The following SLCO3A1 variants were observed in gnomAD, a reference collection of about 807,000 sequenced individuals.
SLCO3A1 encodes the protein solute carrier organic anion transporter family member 3A1, also known as PGE1 transporter.
A neutral mutation model predicts 63.1 loss-of-function variants in SLCO3A1; 27 were observed. That is an observed-to-expected ratio of 0.43 (90% CI 0.32 to 0.59). The LOEUF is 0.59. Ranked by LOEUF, SLCO3A1 falls within the 20% of genes least tolerant of loss-of-function variation. The pLI, the probability that SLCO3A1 is intolerant of heterozygous loss-of-function variation, is 0.09. For synonymous variants in SLCO3A1, 473 were observed against 409.9 expected (o/e 1.15, Z -1.86); for missense variants, 773 against 945.8 (o/e 0.82, Z 2.40).
At chr15:91,937,963 G>C (rs750972152) in intron 2 of SLCO3A1, among the ~76,000 whole-genome samples, 2 of 152,070 alleles carry the variant, frequency 1.3e-5, no homozygotes, top group African/African-American at 4.8e-5. Flanking sequence ...CTACCTTATC[G>C]GGCTGTTCTG....
intron 2 of SLCO3A1, among the ~76,000 whole-genome samples, chr15:91,951,875 G>A (rs768171378): frequency 6.6e-6 from 1 of 152,086 alleles, no homozygotes; most frequent in Non-Finnish European, 1.5e-5. Context: ...TTTTCTGTGC[G>A]AACGTGCATT....
intron 3 of SLCO3A1, 108 bp from the exon 4 acceptor site, chr15:92,104,171 C>G (rs1428260298): frequency 6.9e-6 from 9 of 1,296,488 alleles, no homozygotes; most frequent in Non-Finnish European, 9.6e-6. Context: ...GACCGCAAGT[C>G]ATTTCTAGAG....
chr15:92,109,971 G>A (rs180930675), intron 4 of SLCO3A1, among the ~76,000 whole-genome samples: 10 of 152,176 alleles, frequency 6.6e-5, no homozygotes, highest in Admixed American at 2.0e-4. Context: ...GCTCTTTCCC[G>A]TTTCCTGTAA....
chr15:92,068,774 C>T (rs1183910028), intron 2 of SLCO3A1, among the ~76,000 whole-genome samples: 1 of 152,302 alleles, frequency 6.6e-6, no homozygotes, highest in African/African-American at 2.4e-5. Context: ...AGAAAGATCC[C>T]AAGTGAAGCT....
intron 2 of SLCO3A1, among the ~76,000 whole-genome samples, chr15:91,938,446 G>A (rs1327450129): frequency 6.6e-6 from 1 of 151,242 alleles, no homozygotes. Flanking sequence ...ATGTGCAACA[G>A]TGCAACTTGG....
intron 2 of SLCO3A1, among the ~76,000 whole-genome samples, chr15:92,086,077 T>C (rs780883576): frequency 6.6e-6 from 1 of 152,234 alleles, no homozygotes; most frequent in Non-Finnish European, 1.5e-5. Context: ...TTACAAACAA[T>C]GCTGGTGTGC....
intron 9 of SLCO3A1, chr15:92,162,133 C>CTTTTTTTTTTTT (rs397854182): frequency 3.4e-5 from 2 of 59,350 alleles, no homozygotes; most frequent in Non-Finnish European, 5.8e-5. Context: ...GTTCTAGATG[C>CTTTTTTTTTTTT]TTTTTTTTTT....
At chr15:92,089,251 C>T (rs1983348) in intron 2 of SLCO3A1, among the ~76,000 whole-genome samples, 35,286 of 152,024 alleles carry the variant, frequency 0.23, 4,374 homozygotes, top group Admixed American at 0.28. Context: ...TGAACTTGAT[C>T]TCCTGACCTC....
At chr15:91,986,040 CCTCTGAGTTTACATT>C (rs1302670977) in intron 2 of SLCO3A1, among the ~76,000 whole-genome samples, 4 of 152,144 alleles carry the variant, frequency 2.6e-5, no homozygotes, top group Non-Finnish European at 5.9e-5. Flanking sequence ...TGGATCTGGT[CCTCTGAGTTTACATT>C]CCCTTGAGGA....
intron 1 of SLCO3A1, among the ~76,000 whole-genome samples, chr15:91,861,798 AT>A (rs926257044): frequency 6.8e-4 from 98 of 144,154 alleles, no homozygotes; most frequent in African/African-American, 7.3e-4. Context: ...TAGTTTTCTT[AT>A]TTTTTTTTTT....
chr15:92,169,931 T>C (rs2048512403), downstream of SLCO3A1, among the ~76,000 whole-genome samples: 1 of 152,252 alleles, frequency 6.6e-6, no homozygotes, highest in Non-Finnish European at 1.5e-5. Flanking sequence ...CATTTCCATT[T>C]TTGTAATAGT....
intron 7 of SLCO3A1, among the ~76,000 whole-genome samples, chr15:92,142,933 G>C (rs935814963): frequency 4.3e-4 from 65 of 152,104 alleles, no homozygotes; most frequent in African/African-American, 1.5e-3. Flanking sequence ...GACACAGGCA[G>C]CAATTGCAGA....
intron 2 of SLCO3A1, among the ~76,000 whole-genome samples, chr15:92,074,901 A>T (rs905840972): frequency 1.3e-5 from 2 of 152,140 alleles, no homozygotes; most frequent in African/African-American, 4.8e-5. Context: ...CGTGGCATAG[A>T]GCCAACAGTG....
At chr15:92,110,264 C>G (rs1319018118) in intron 4 of SLCO3A1, among the ~76,000 whole-genome samples, 4 of 152,188 alleles carry the variant, frequency 2.6e-5, no homozygotes, top group African/African-American at 9.7e-5. Context: ...TGCCCTTGAT[C>G]TCTGTTGATC....
chr15:91,975,145 C>A (rs985368578), intron 2 of SLCO3A1, among the ~76,000 whole-genome samples: 3 of 152,202 alleles, frequency 2.0e-5, no homozygotes, highest in African/African-American at 7.2e-5. Flanking sequence ...CAGTGTTATT[C>A]TCTTTTTACC....
chr15:92,064,705 T>A (rs376843850), intron 2 of SLCO3A1, among the ~76,000 whole-genome samples: 1 of 152,198 alleles, frequency 6.6e-6, no homozygotes, highest in East Asian at 1.9e-4. Flanking sequence ...AAAAAAGGAA[T>A]TAAATTCTGT....
At chr15:92,143,441 T>A (rs541848820) in intron 7 of SLCO3A1, among the ~76,000 whole-genome samples, 9 of 6,246 alleles carry the variant, frequency 1.4e-3, no homozygotes, top group African/African-American at 9.0e-3. Flanking sequence ...ATATATATAA[T>A]ATATATATAA....
chr15:92,090,032 CA>C (rs2151532263), intron 2 of SLCO3A1, among the ~76,000 whole-genome samples: 1 of 152,236 alleles, frequency 6.6e-6, no homozygotes, highest in African/African-American at 2.4e-5. Context: ...TACGTATCAA[CA>C]GAAAATATAT....
Position 92,006,351 on chromosome 15 carries a change from C to T in SLCO3A1, c.647-88530C>T, listed in dbSNP as rs145980589. Reference sequence around the variant, plus strand: ...TGACATAAGCTACAGCTTCTATGAGCGCCAGATTGACCTTTGTTAGAATGA... The same window carrying T: ...TGACATAAGCTACAGCTTCTATGAGTGCCAGATTGACCTTTGTTAGAATGA... On this transcript the variant is annotated intron_variant, in intron 2 of 9. Transcript: ENST00000318445. Among the ~76,000 whole-genome samples the T allele has an allele frequency of 7.7e-4, 117 of 152,278 alleles. 1 individual carries two copies. The East Asian group carries it at 0.017, about 22-fold the overall frequency.
Sources: allele counts gnomAD v4.1 joint callset (sites outside exome capture counted in the v4.1 genomes callset), GRCh38; gene constraint gnomAD v4.1.1; transcripts MANE v1.5; gene names NCBI Gene and HGNC (gene_info 2026-07-23, HGNC 2026-07-21).